DLG1: variants seen among roughly 807,000 people sequenced by gnomAD.
DLG1 encodes disks large homolog 1.
In DLG1, 42 loss-of-function variants were observed where a neutral mutation model predicts 123.4. That is an observed-to-expected ratio of 0.34 (90% confidence interval 0.27 to 0.44). The LOEUF is 0.44. Ranked by LOEUF, DLG1 falls within the 20% of genes least tolerant of loss-of-function variation. The pLI, the probability that DLG1 is intolerant of heterozygous loss-of-function variation, is 1.00. For synonymous variants in DLG1, 317 were observed against 356.2 expected, an observed-to-expected ratio of 0.89 and a Z score of 1.24; for missense variants, 942 against 1,082.6, an observed-to-expected ratio of 0.87 and a Z score of 1.82.
chr3:197,184,957 G>C (rs1478202307), intron 5 of DLG1, among the ~76,000 whole-genome samples: 1 of 152,100 alleles, frequency 6.6e-6, no homozygotes, highest in East Asian at 1.9e-4. Context: ...AATGTTTACG[G>C]GCAGGGGGAA....
At chr3:197,208,904 T>C (rs549313614) in intron 4 of DLG1, among the ~76,000 whole-genome samples, 1 of 145,974 alleles carries the variant, frequency 6.9e-6, no homozygotes, top group South Asian at 2.6e-4. Flanking sequence ...CAAAATTACC[T>C]TTAGAATGAA....
chr3:197,238,799 CAACAT>C (rs1454599114), intron 4 of DLG1, among the ~76,000 whole-genome samples: 4 of 152,056 alleles, frequency 2.6e-5, no homozygotes, highest in African/African-American at 7.2e-5. Context: ...CACAAAAACA[CAACAT>C]AACAAAATTT....
At chr3:197,270,318 T>C (rs2151034566) in intron 4 of DLG1, among the ~76,000 whole-genome samples, 1 of 152,258 alleles carries the variant, frequency 6.6e-6, no homozygotes, top group East Asian at 1.9e-4. Context: ...TGTAAACATT[T>C]AGTAAATAAA....
chr3:197,186,219 T>G (rs141579257), intron 5 of DLG1, among the ~76,000 whole-genome samples: 2 of 152,256 alleles, frequency 1.3e-5, no homozygotes, highest in African/African-American at 4.8e-5. Flanking sequence ...CACATGAGAT[T>G]AGACTGGGAG....
chr3:197,135,374 T>C (rs1030825725), intron 10 of DLG1, among the ~76,000 whole-genome samples: 2 of 152,148 alleles, frequency 1.3e-5, no homozygotes, highest in African/African-American at 2.4e-5. Context: ...GTGAGTCTCA[T>C]GAGATGTGAT....
chr3:197,187,591 C>T (rs1716842929), intron 5 of DLG1, among the ~76,000 whole-genome samples: 1 of 152,154 alleles, frequency 6.6e-6, no homozygotes, highest in African/African-American at 2.4e-5. Context: ...CCATTGAAGA[C>T]AAAAACCAAA....
At chr3:197,223,209 G>C (rs951207372) in intron 4 of DLG1, among the ~76,000 whole-genome samples, 2 of 151,948 alleles carry the variant, frequency 1.3e-5, no homozygotes, top group African/African-American at 2.4e-5. Context: ...GTTCTAACGC[G>C]AGACATGAGA....
At chr3:197,125,306 C>A (rs565544078) in intron 11 of DLG1, among the ~76,000 whole-genome samples, 16 of 152,064 alleles carry the variant, frequency 1.1e-4, no homozygotes, top group East Asian at 9.7e-4. Context: ...TATGGCCATA[C>A]GTAAAAAGCA....
intron 4 of DLG1, among the ~76,000 whole-genome samples, chr3:197,227,534 T>C (rs1386656912): frequency 6.6e-6 from 1 of 152,092 alleles, no homozygotes; most frequent in Admixed American, 6.5e-5. Context: ...ACTAAAATTA[T>C]CAATTCATAT....
At chr3:197,080,950 G>T (rs1750775706) in intron 17 of DLG1, 101 bp downstream of exon 17, 1 of 1,101,094 alleles carries the variant, frequency 9.1e-7, no homozygotes, top group Non-Finnish European at 1.3e-6. Flanking sequence ...AAGCACCATG[G>T]CAAGAACTGA....
rs552760686 is a variant in DLG1 at position 197,049,476 on chromosome 3, C to T, written c.2575+2101G>A. On this transcript the variant is annotated intron_variant, in intron 24 of 24. Coordinates refer to ENST00000667157, the MANE Select transcript of DLG1 (RefSeq NM_001366207.1). ...AGAGTCTGTCAAAAGATGAATGAGC[C>T]GGGCCCGATGGCTCACGCCTGTAGT... Among the ~76,000 whole-genome samples the T allele has an allele frequency of 5.9e-5, 9 of 152,312 alleles. 1 individual carries two copies. The highest frequency in any genetic ancestry group is 8.8e-5 in the Non-Finnish European group (6 of 68,022).
At position 197,130,579 on chromosome 3, in the gene DLG1, T is replaced by C. The variant is rs556953465; in HGVS notation, c.1113A>G (p.Lys371=). 1.9e-6 allele frequency: 3 copies of C among 1,612,770 alleles called. No homozygotes were observed. Among genetic ancestry groups the C allele is most frequent in the Non-Finnish European group, 2.5e-6 (3 of 1,179,536 alleles). ...CATCATTCATATACATACTTGTGGGTTTTGCCACTTTCAAATAAACAAAAT... is the reference window on the plus strand; with the variant it reads ...CATCATTCATATACATACTTGTGGGCTTTGCCACTTTCAAATAAACAAAAT... ...TSDFVYLKVA[K]PTSMYMNDGY... Residue 371 remains lysine (K), a synonymous_variant, in exon 11 of 25, where the codon AAA becomes AAG. Coordinates refer to ENST00000667157, the MANE Select transcript of DLG1 (RefSeq NM_001366207.1).
intron 3 of DLG1, among the ~76,000 whole-genome samples, chr3:197,285,975 T>C (rs1463613988): frequency 6.6e-6 from 1 of 152,150 alleles, no homozygotes; most frequent in Non-Finnish European, 1.5e-5. Context: ...AAGCAACCAA[T>C]ATGTTCTTTA....
intron 5 of DLG1, among the ~76,000 whole-genome samples, chr3:197,176,924 C>G (rs1423371791): frequency 6.6e-6 from 1 of 151,842 alleles, no homozygotes; most frequent in African/African-American, 2.4e-5. Flanking sequence ...CTATGCTTTT[C>G]TAGAGTGTCC....
At chr3:197,290,551 C>T (rs1313536373) in intron 3 of DLG1, among the ~76,000 whole-genome samples, 1 of 152,080 alleles carries the variant, frequency 6.6e-6, no homozygotes, top group Non-Finnish European at 1.5e-5. Flanking sequence ...GCCAGGAATA[C>T]AAAACCTGAA....
chr3:197,085,291 C>T (rs942973143), intron 16 of DLG1: 9 of 379,208 alleles, frequency 2.4e-5, no homozygotes, highest in Admixed American at 4.2e-5. Context: ...AGTTGCCATG[C>T]TTACATGTTG....
At chr3:197,209,105 A>G (rs917396659) in intron 4 of DLG1, among the ~76,000 whole-genome samples, 5 of 146,224 alleles carry the variant, frequency 3.4e-5, no homozygotes, top group Non-Finnish European at 6.1e-5. Context: ...TTGGGCCACC[A>G]CTAAATGATG....
At chr3:197,195,626 A>C (rs1405940164) in intron 4 of DLG1, among the ~76,000 whole-genome samples, 1 of 152,188 alleles carries the variant, frequency 6.6e-6, no homozygotes, top group Non-Finnish European at 1.5e-5. Flanking sequence ...CTAACACAGG[A>C]ACAGAAAACA....
chr3:197,251,171 C>A (rs1025761477), intron 4 of DLG1, among the ~76,000 whole-genome samples: 1 of 151,444 alleles, frequency 6.6e-6, no homozygotes, highest in African/African-American at 2.4e-5. Flanking sequence ...GACTGCTTGA[C>A]TACAGCCTGG....
Sources: gnomAD v4.1 joint callset for allele counts (sites outside exome capture counted in the v4.1 genomes callset) on GRCh38, gnomAD v4.1.1 for gene constraint, MANE v1.5 for transcripts, NCBI Gene and HGNC (gene_info 2026-07-23, HGNC 2026-07-21) for gene names.